Variants in CACNB2 observed in about 807,000 individuals in gnomAD.
The protein encoded by CACNB2 is voltage-dependent L-type calcium channel subunit beta-2.
Under a neutral mutation model 73.3 loss-of-function variants are expected in CACNB2, and 42 were observed. The ratio of observed to expected loss-of-function variants is 0.57; its 90% confidence interval spans 0.45 to 0.74. The LOEUF (loss-of-function observed/expected upper bound fraction) is 0.74. Among genes scored for constraint, CACNB2 ranks in the 30% least tolerant of loss-of-function variants. CACNB2 has a pLI of 0.00. For missense variants in CACNB2, 940 were observed against 853.0 expected (o/e 1.10, Z -1.27); for synonymous variants, 348 against 310.3 (o/e 1.12, Z -1.28).
At chr10:18,373,453 T>C (rs2042669714) in intron 2 of CACNB2, among the ~76,000 whole-genome samples, 2 of 152,360 alleles carry the variant, frequency 1.3e-5, no homozygotes, top group African/African-American at 4.8e-5. Context: ...TATTAAGTGA[T>C]GTACATATAT....
rs1171673657 is a variant in CACNB2 at position 18,498,405 on chromosome 10, C to G, written c.384C>G (p.Ala128=). The G allele has an allele frequency of 6.2e-7, 1 of 1,614,074 alleles. No individual in the cohort carries two copies. The highest frequency in any genetic ancestry group is 1.7e-5 in the Admixed American group (1 of 60,020). Reference sequence around the variant, plus strand: ...GGACAAATGTCAGCTACAGTGCGGCCCATGAAGATGATGTTCCAGTGCCTG... The same window carrying G: ...GGACAAATGTCAGCTACAGTGCGGCGCATGAAGATGATGTTCCAGTGCCTG... ...AVRTNVSYSA[A]HEDDVPVPGM... The change falls in exon 4 of 14, where the codon GCC becomes GCG. Residue 128 remains alanine (A), a synonymous_variant. Transcript: ENST00000324631.
intron 2 of CACNB2, among the ~76,000 whole-genome samples, chr10:18,307,372 G>A (rs2039773665): frequency 6.6e-6 from 1 of 152,150 alleles, no homozygotes; most frequent in Non-Finnish European, 1.5e-5. Context: ...TGAGGCAGGA[G>A]AATCACTTGA....
chr10:18,296,961 C>A (rs972444732), intron 2 of CACNB2, among the ~76,000 whole-genome samples: 1 of 152,226 alleles, frequency 6.6e-6, no homozygotes, highest in African/African-American at 2.4e-5. Context: ...GATAATAACA[C>A]TTTTCCTGTA....
At position 18,140,636 on chromosome 10, in the gene CACNB2, G is replaced by A; in HGVS notation, c.-101G>A. 1 of 1,031,952 alleles carries A rather than the reference G, an allele frequency of 9.7e-7. No homozygotes were observed. The highest frequency in any genetic ancestry group is 1.4e-6 in the Non-Finnish European group (1 of 695,558). 63.9% of individuals were successfully genotyped at this position (1,031,952 alleles called of 1,614,324 possible). ...CGAGAACGGCCGGGCCTGAGCCCTG[G>A]GCGGCCCCCAGAGCCGATCAGAGCG... On this transcript the variant is annotated 5_prime_UTR_variant, in exon 1 of 14. Transcript: ENST00000324631.
chr10:18,364,539 A>T (rs1425482726), intron 2 of CACNB2, among the ~76,000 whole-genome samples: 1 of 151,930 alleles, frequency 6.6e-6, no homozygotes, highest in Admixed American at 6.6e-5. Flanking sequence ...ACCTCAAGTG[A>T]TCCACCCACC....
At chr10:18,413,613 T>A (rs1159428501) in intron 3 of CACNB2, among the ~76,000 whole-genome samples, 2 of 152,208 alleles carry the variant, frequency 1.3e-5, no homozygotes, top group East Asian at 3.8e-4. Flanking sequence ...ACAAATCTTT[T>A]CCTGGGAATT....
chr10:18,442,237 C>T (rs1413094600), intron 3 of CACNB2, among the ~76,000 whole-genome samples: 1 of 152,008 alleles, frequency 6.6e-6, no homozygotes, highest in Non-Finnish European at 1.5e-5. Flanking sequence ...GCAACCTCCG[C>T]CTCCTGGGTA....
At chr10:18,502,946 C>T (rs957563246) in intron 5 of CACNB2, among the ~76,000 whole-genome samples, 1 of 151,616 alleles carries the variant, frequency 6.6e-6, no homozygotes, top group Non-Finnish European at 1.5e-5. Context: ...TGGACATGTA[C>T]CCCGAAACTA....
intron 2 of CACNB2, among the ~76,000 whole-genome samples, chr10:18,162,790 G>C (rs1204701939): frequency 6.6e-6 from 1 of 152,176 alleles, no homozygotes; most frequent in Non-Finnish European, 1.5e-5. Flanking sequence ...TGTTCATAGA[G>C]GTGCAAAAGA....
At chr10:18,299,891 T>C (rs960858467) in intron 2 of CACNB2, among the ~76,000 whole-genome samples, 1 of 152,212 alleles carries the variant, frequency 6.6e-6, no homozygotes, top group Admixed American at 6.5e-5. Flanking sequence ...AAATCACCTC[T>C]GATGCCAATC....
intron 3 of CACNB2, among the ~76,000 whole-genome samples, chr10:18,428,547 G>A (rs1261138940): frequency 1.3e-5 from 2 of 152,188 alleles, no homozygotes; most frequent in East Asian, 1.9e-4. Context: ...TTAGCCAGAC[G>A]TGGTGGCGGA....
chr10:18,254,470 G>A (rs369964204), intron 2 of CACNB2, among the ~76,000 whole-genome samples: 7 of 151,408 alleles, frequency 4.6e-5, no homozygotes, highest in South Asian at 2.1e-4. Context: ...TGCTATCTGC[G>A]TCTAGGTGGT....
chr10:18,235,387 G>A (rs1385719633), intron 2 of CACNB2, among the ~76,000 whole-genome samples: 1 of 151,994 alleles, frequency 6.6e-6, no homozygotes, highest in Non-Finnish European at 1.5e-5. Flanking sequence ...GATCCTAGAA[G>A]GTTAAGGCTG....
intron 2 of CACNB2, among the ~76,000 whole-genome samples, chr10:18,307,322 C>A (rs144594450): frequency 1.3e-5 from 2 of 152,164 alleles, no homozygotes; most frequent in East Asian, 3.9e-4. Flanking sequence ...ATTAGCCAGG[C>A]GTGGTGGCAC....
At chr10:18,160,063 T>A (rs372293567) in intron 2 of CACNB2, among the ~76,000 whole-genome samples, 1 of 152,200 alleles carries the variant, frequency 6.6e-6, no homozygotes, top group African/African-American at 2.4e-5. Context: ...TTAAAACATT[T>A]TACTTTTTTC....
chr10:18,513,806 C>G (rs1189467763), intron 6 of CACNB2: 2 of 243,450 alleles, frequency 8.2e-6, no homozygotes, highest in Admixed American at 5.1e-5. Flanking sequence ...GTGCAAAAAC[C>G]GCAATTACTT....
chr10:18,150,853 G>GTGTTTT (rs756678637), intron 1 of CACNB2, 30 bp from the exon 2 acceptor site: 3 of 655,478 alleles, frequency 4.6e-6, no homozygotes, highest in South Asian at 2.3e-5. Flanking sequence ...AATCTTATTT[G>GTGTTTT]TCTTTTTTTT....
chr10:18,365,318 A>G (rs1045476401), intron 2 of CACNB2, among the ~76,000 whole-genome samples: 2 of 152,208 alleles, frequency 1.3e-5, no homozygotes, highest in African/African-American at 2.4e-5. Flanking sequence ...TCAGAATATG[A>G]GAGGACAATA....
chr10:18,495,600 ATGAGGTCT>A (rs2049762175), intron 3 of CACNB2, among the ~76,000 whole-genome samples: 2 of 132,956 alleles, frequency 1.5e-5, no homozygotes, highest in African/African-American at 6.3e-5. Context: ...TGTATAAGAG[ATGAGGTCT>A]CACTTTGTTG....
Sources: allele counts gnomAD v4.1 joint callset (sites outside exome capture counted in the v4.1 genomes callset), GRCh38; gene constraint gnomAD v4.1.1; transcripts MANE v1.5; gene names NCBI Gene and HGNC (gene_info 2026-07-23, HGNC 2026-07-21).